ABCA3: variants seen among roughly 807,000 people sequenced by gnomAD.
ABCA3 encodes the protein phospholipid-transporting ATPase ABCA3.
In ABCA3, 88 loss-of-function variants were observed where a neutral mutation model predicts 172.8. The observed-to-expected ratio is 0.51, with a 90% CI of 0.43 to 0.61. The LOEUF (loss-of-function observed/expected upper bound fraction) is 0.61, where lower values mean the gene tolerates loss of function less well. ABCA3 is among the 20% of genes least tolerant of loss of function. The pLI, the probability that ABCA3 is intolerant of heterozygous loss-of-function variation, is 0.00. For missense variants in ABCA3, 2,164 were observed against 2,301.0 expected, an observed-to-expected ratio of 0.94 and a Z score of 1.22; for synonymous variants, 1,066 against 983.8, an observed-to-expected ratio of 1.08 and a Z score of -1.56.
At chr16:2,338,656 CTTGTT>C (rs1286563914) in intron 1 of ABCA3, among the ~76,000 whole-genome samples, 1 of 151,760 alleles carries the variant, frequency 6.6e-6, no homozygotes, top group African/African-American at 2.4e-5. Flanking sequence ...TGGTACTCAT[CTTGTT>C]CTGTCTTATG....
intron 18 of ABCA3, among the ~76,000 whole-genome samples, chr16:2,294,901 T>C (rs2093677380): frequency 1.3e-5 from 2 of 152,102 alleles, no homozygotes; most frequent in Admixed American, 1.3e-4. Flanking sequence ...GAGAATTGCT[T>C]GAACCTGGGA....
At chr16:2,298,612 C>CA in intron 14 of ABCA3, 72 bp from the exon 15 acceptor site, 1 of 1,569,926 alleles carries the variant, frequency 6.4e-7, no homozygotes, top group Non-Finnish European at 8.7e-7. Context: ...AATGACCCCC[C>CA]ACCCCCTCTC....
chr16:2,338,789 C>T (rs1190277700), intron 1 of ABCA3, among the ~76,000 whole-genome samples: 3 of 133,902 alleles, frequency 2.2e-5, no homozygotes, highest in Non-Finnish European at 3.1e-5. Context: ...GAGTCTTGCT[C>T]TGTCGCCCAG....
intron 3 of ABCA3, 53 bp from the exon 4 acceptor site, chr16:2,326,545 G>A (rs146832871): frequency 2.6e-6 from 4 of 1,541,692 alleles, no homozygotes; most frequent in South Asian, 1.2e-5. Context: ...AACACGCAGA[G>A]TGGGGATTTG....
At position 2,297,487 on chromosome 16, in the gene ABCA3, G is replaced by A. The variant is rs2093681705; in HGVS notation, c.2105C>T (p.Ala702Val). Residue 702 changes from alanine (A) to valine (V), a missense_variant, in exon 17 of 33, where the codon GCC (alanine) becomes GTC (valine). Physicochemically the swap from Ala to Val is moderately conservative, Grantham distance 64. Transcript: ENST00000301732. The surrounding 1 kb of genome is among the most constrained non-coding windows in gnomAD (Gnocchi z 5.6). ...TSGMDAISRR[A>V]IWDLLQRQKS... The stretch of plus-strand genomic sequence containing the variant: ...CTGCCGCTGAAGAAGATCCCAGATG[G>A]CCCTCCTGGAGATGGCGTCCATGCC... The A allele has an allele frequency of 1.9e-6, 3 of 1,613,620 alleles. No homozygotes were observed. The African/African-American group carries it at 4.0e-5, about 22-fold the overall frequency.
intron 1 of ABCA3, among the ~76,000 whole-genome samples, chr16:2,333,511 T>A (rs1322694619): frequency 6.6e-6 from 1 of 152,138 alleles, no homozygotes; most frequent in African/African-American, 2.4e-5. Context: ...GCATCAAAGA[T>A]CCGCGTGTAT....
At chr16:2,334,088 CAGG>C (rs1362976009) in intron 1 of ABCA3, among the ~76,000 whole-genome samples, 3 of 152,116 alleles carry the variant, frequency 2.0e-5, no homozygotes, top group African/African-American at 4.8e-5. Context: ...TGGCAAGATT[CAGG>C]AGAAGACAGG....
rs1452475901 is a variant in ABCA3, at chr16:2,288,230, G to C, written c.2800C>G (p.Leu934Val). The C allele has an allele frequency of 6.3e-7, 1 of 1,595,576 alleles. No individual in the cohort carries two copies. Among genetic ancestry groups the C allele is most frequent in the African/African-American group, 1.3e-5 (1 of 74,722 alleles). ...AGGAGGGCCAGGGTGACGCAGGTCA[G>C]AGGCACCAGGACCTGTGCCGCCACC... ...KMVAAQVLVPLTCVTLALLAI... is the reference protein window; with the variant it reads ...KMVAAQVLVPVTCVTLALLAI... The change falls in exon 21 of 33, where the codon CTG (leucine) becomes GTG (valine). Residue 934 changes from leucine to valine, a missense_variant. Coordinates refer to ENST00000301732, the MANE Select transcript of ABCA3 (RefSeq NM_001089.3).
intron 1 of ABCA3, among the ~76,000 whole-genome samples, chr16:2,331,989 C>T (rs2093743982): frequency 1.3e-5 from 2 of 152,220 alleles, no homozygotes; most frequent in South Asian, 4.1e-4. Flanking sequence ...AAACATCACA[C>T]ATATCATTGA....
chr16:2,296,473 G>T (rs1317702067), intron 17 of ABCA3, among the ~76,000 whole-genome samples: 2 of 152,206 alleles, frequency 1.3e-5, no homozygotes, highest in Non-Finnish European at 2.9e-5. Context: ...GACCTCAAGT[G>T]ATCTGCCTGC....
chr16:2,326,678 C>T (rs2093734942), intron 3 of ABCA3, among the ~76,000 whole-genome samples, 186 bp from the exon 4 acceptor site: 1 of 152,218 alleles, frequency 6.6e-6, no homozygotes, highest in South Asian at 2.1e-4. Context: ...ATCCTCTACC[C>T]TGCACATCCA....
intron 15 of ABCA3, 136 bp downstream of exon 15, chr16:2,298,250 T>C (rs2093683279): frequency 2.8e-6 from 4 of 1,421,508 alleles, no homozygotes; most frequent in Non-Finnish European, 3.9e-6. Flanking sequence ...GAACCTCTCC[T>C]TGACGTAGCT....
At chr16:2,289,095 C>T (rs1013218611) in intron 20 of ABCA3, 12 of 318,798 alleles carry the variant, frequency 3.8e-5, no homozygotes, top group African/African-American at 1.9e-4. Flanking sequence ...GACTTTGGCC[C>T]AGGCCTCGGT....
Position 2,285,320 on chromosome 16 carries a change from C to T in ABCA3, c.3483+122G>A, listed in dbSNP as rs1031461511. Reference sequence around the variant, plus strand: ...CCGCCAGGGGATTCCAGCTGTCCTCCCTGAGTCGGGCCGAGCTGCCGGCCT... The same window carrying T: ...CCGCCAGGGGATTCCAGCTGTCCTCTCTGAGTCGGGCCGAGCTGCCGGCCT... On this transcript the variant is annotated intron_variant, in intron 23 of 32. Transcript: ENST00000301732. The surrounding 1 kb of genome is among the most constrained non-coding windows in gnomAD (Gnocchi z 4.7). The T allele has an allele frequency of 3.2e-6, 4 of 1,231,416 alleles. No individual in the cohort carries two copies. Among genetic ancestry groups the T allele is most frequent in the Non-Finnish European group, 3.5e-6 (3 of 868,648 alleles). 76.3% of individuals were successfully genotyped at this position (1,231,416 alleles called of 1,614,324 possible).
chr16:2,297,580 C>G lies in ABCA3; in HGVS notation c.2053-41G>C. 1 of 1,607,910 alleles carries G rather than the reference C, an allele frequency of 6.2e-7. No homozygotes were observed. The highest frequency in any genetic ancestry group is 2.2e-5 in the East Asian group (1 of 44,840). On this transcript the variant is annotated intron_variant, in intron 16 of 32. Coordinates refer to ENST00000301732, the MANE Select transcript of ABCA3 (RefSeq NM_001089.3). This position sits in a 1 kb window ranked among gnomAD's most constrained non-coding sequence, Gnocchi z 5.6. ...CAGTCTCGCGACGCTGGTAGAGCCA[C>G]ACCCCGGGCCCAGGCTGGCCTTGCG... is the stretch of plus-strand genomic sequence containing the variant.
intron 11 of ABCA3, among the ~76,000 whole-genome samples, chr16:2,307,966 C>A (rs895600731): frequency 6.6e-6 from 1 of 152,118 alleles, no homozygotes; most frequent in Admixed American, 6.6e-5. Flanking sequence ...TGGTGGCTCA[C>A]GCCTGTAATC....
At chr16:2,308,764 C>A in intron 10 of ABCA3, 141 bp from the exon 11 acceptor site, 1 of 909,214 alleles carries the variant, frequency 1.1e-6, no homozygotes, top group Non-Finnish European at 1.7e-6. Flanking sequence ...ACACGGGACA[C>A]AAGCTCCAGC....
chr16:2,281,579 GC>G lies in ABCA3; in HGVS notation c.4036-71del. On this transcript the variant is annotated intron_variant, in intron 26 of 32. Coordinates refer to ENST00000301732, the MANE Select transcript of ABCA3 (RefSeq NM_001089.3). This position sits in a 1 kb window ranked among gnomAD's most constrained non-coding sequence, Gnocchi z 4.7. ...GGCGGCTTCCGTGGAGAAGGGAGGGGCGGGGGTGGATGTGGGAGGTCTGGTG... is the reference window on the plus strand; with the variant it reads ...GGCGGCTTCCGTGGAGAAGGGAGGGGGGGGGTGGATGTGGGAGGTCTGGTG... 3 of 1,466,568 alleles carry G rather than the reference GC, an allele frequency of 2.0e-6. No homozygotes were observed. The highest frequency in any genetic ancestry group is 1.4e-5 in the African/African-American group (1 of 71,668). 90.8% of individuals were successfully genotyped at this position (1,466,568 alleles called of 1,614,324 possible). A position where few individuals can be genotyped will look rare whatever the true frequency, so the allele number is the denominator to read the frequency against.
At chr16:2,307,016 CAAAAAAAA>C (rs201661615) in intron 11 of ABCA3, among the ~76,000 whole-genome samples, 28 of 66,016 alleles carry the variant, frequency 4.2e-4, no homozygotes, top group Middle Eastern at 0.011. Context: ...GACTCCGTCT[CAAAAAAAA>C]AAAAAAAAAA....
Sources: allele counts gnomAD v4.1 joint callset (sites outside exome capture counted in the v4.1 genomes callset), GRCh38; gene constraint gnomAD v4.1.1; non-coding constraint Gnocchi (gnomAD v3.1); transcripts MANE v1.5; gene names NCBI Gene and HGNC (gene_info 2026-07-23, HGNC 2026-07-21).